STK10: variants seen among roughly 807,000 people sequenced by gnomAD.
The protein encoded by STK10 is serine/threonine kinase 10.
STK10 carries 78 observed loss-of-function variants against 113.8 expected under a neutral mutation model. The observed-to-expected ratio is 0.69, with a 90% CI of 0.57 to 0.83. The LOEUF (loss-of-function observed/expected upper bound fraction) is 0.83, where lower values mean the gene tolerates loss of function less well. STK10 is among the 40% of genes least tolerant of loss of function. STK10 has a pLI of 0.00. For missense variants in STK10, 1,109 were observed against 1,280.1 expected, an observed-to-expected ratio of 0.87 and a Z score of 2.04; for synonymous variants, 465 against 494.7, an observed-to-expected ratio of 0.94 and a Z score of 0.80.
At position 172,147,606 on chromosome 5, in the gene STK10, G is replaced by C. The variant is rs537933659; in HGVS notation, c.321+9018C>G. Among the ~76,000 whole-genome samples the C allele has an allele frequency of 7.9e-5, 12 of 152,214 alleles. No individual in the cohort carries two copies. In the East Asian group the frequency reaches 1.7e-3, roughly 22 times the overall value. On this transcript the variant is annotated intron_variant, in intron 2 of 18. Transcript: ENST00000176763. Reference sequence around the variant, plus strand: ...ATGGGGTTTCACCATATTGGCCAGGGTGGTCTCGAACTTCTGACCTCGTGA... The same window carrying C: ...ATGGGGTTTCACCATATTGGCCAGGCTGGTCTCGAACTTCTGACCTCGTGA...
At chr5:172,180,257 A>T (rs1245611294) in intron 1 of STK10, among the ~76,000 whole-genome samples, 1 of 151,998 alleles carries the variant, frequency 6.6e-6, no homozygotes, top group African/African-American at 2.4e-5. Context: ...AGAAGTCAGG[A>T]GTTCAAGACC....
At chr5:172,161,460 A>T (rs979236897) in intron 1 of STK10, among the ~76,000 whole-genome samples, 13 of 152,248 alleles carry the variant, frequency 8.5e-5, no homozygotes, top group African/African-American at 1.2e-4. Context: ...CTCAAAAAAA[A>T]AAAATAAAAA....
At chr5:172,178,181 T>C (rs1770789101) in intron 1 of STK10, among the ~76,000 whole-genome samples, 1 of 152,214 alleles carries the variant, frequency 6.6e-6, no homozygotes, top group Non-Finnish European at 1.5e-5. Flanking sequence ...GGATTTTCTG[T>C]GAAATCTCTT....
chr5:172,105,501 G>C, intron 7 of STK10, 155 bp downstream of exon 7: 1 of 737,448 alleles, frequency 1.4e-6, no homozygotes, highest in Non-Finnish European at 2.2e-6. Flanking sequence ...CACAGAGCTG[G>C]CATTCAGGAG....
chr5:172,150,518 C>G (rs6871751), intron 2 of STK10, among the ~76,000 whole-genome samples: 14,558 of 151,852 alleles, frequency 0.096, 730 homozygotes, highest in South Asian at 0.14. Context: ...GAACTCAGGT[C>G]TCCTGATTCC....
chr5:172,142,627 C>A (rs553417392), intron 2 of STK10, among the ~76,000 whole-genome samples: 1 of 152,154 alleles, frequency 6.6e-6, no homozygotes, highest in Non-Finnish European at 1.5e-5. Flanking sequence ...AATGCCTGGA[C>A]CTCATAAGAT....
chr5:172,058,977 AC>A (rs1678798578), intron 14 of STK10, among the ~76,000 whole-genome samples: 1 of 152,124 alleles, frequency 6.6e-6, no homozygotes. Context: ...TAATCCTAGC[AC>A]TTTGGGAGGC....
Position 172,096,577 on chromosome 5 carries a change from CACCCAGATTAG to C in STK10, c.871-28_871-18del, listed in dbSNP as rs1169707796. 6.2e-7 allele frequency: 1 copy of C among 1,611,730 alleles called. No homozygotes were observed. The highest frequency in any genetic ancestry group is 1.7e-5 in the Admixed American group (1 of 60,002). On this transcript the variant is annotated intron_variant, in intron 7 of 18. Transcript: ENST00000176763. ...GAAGGGATGCTGAGGGGGCAAGATG[CACCCAGATTAG>C]AACCACTCTGGGGTCACGGTGGGGT...
intron 4 of STK10, 45 bp downstream of exon 4, chr5:172,117,436 G>A (rs566449958): frequency 4.4e-6 from 7 of 1,602,912 alleles, no homozygotes; most frequent in African/African-American, 1.3e-5. Context: ...AACACCCCCA[G>A]GCAGACACCC....
At chr5:172,070,243 C>T (rs1768145645) in intron 12 of STK10, among the ~76,000 whole-genome samples, 2 of 149,910 alleles carry the variant, frequency 1.3e-5, no homozygotes, top group South Asian at 4.2e-4. Flanking sequence ...AGCAAAATTC[C>T]ACCTCAAAAA....
chr5:172,180,547 T>C (rs139771625), intron 1 of STK10, among the ~76,000 whole-genome samples: 6,176 of 151,750 alleles, frequency 0.041, 181 homozygotes, highest in Middle Eastern at 0.092. Context: ...TCCCAGCACT[T>C]TGGGAGGCCG....
rs571144315 is a variant in STK10 at position 172,151,886 on chromosome 5, C to A, written c.321+4738G>T. Among the ~76,000 whole-genome samples the A allele has an allele frequency of 4.1e-4, 63 of 152,360 alleles. No individual in the cohort carries two copies. The South Asian group carries it at 0.012, about 29-fold the overall frequency. On this transcript the variant is annotated intron_variant, in intron 2 of 18. Coordinates refer to ENST00000176763, the MANE Select transcript of STK10 (RefSeq NM_005990.4). The stretch of plus-strand genomic sequence containing the variant: ...CCGCTCTCCCTCCACCACGCGCCAG[C>A]CGCAACACCTTCTGTGGGGTCCTCT...
chr5:172,150,208 T>C (rs370115861), intron 2 of STK10, among the ~76,000 whole-genome samples: 63 of 151,472 alleles, frequency 4.2e-4, no homozygotes, highest in African/African-American at 1.5e-3. Flanking sequence ...AGGCTGGGCA[T>C]GGTGGCTCAC....
chr5:172,053,254 AT>A (rs1767671922), intron 17 of STK10: 2 of 534,492 alleles, frequency 3.7e-6, no homozygotes, highest in South Asian at 4.4e-5. Flanking sequence ...AATAGTTCTT[AT>A]TAACTCTGTG....
intron 10 of STK10, among the ~76,000 whole-genome samples, chr5:172,086,853 C>T (rs1488237494): frequency 2.0e-5 from 3 of 152,194 alleles, no homozygotes; most frequent in African/African-American, 7.2e-5. Flanking sequence ...CTGAGTAGCA[C>T]ACAGCTGCTC....
intron 3 of STK10, among the ~76,000 whole-genome samples, chr5:172,124,111 A>G (rs116596028): frequency 0.066 from 10,082 of 152,136 alleles, 395 homozygotes; most frequent in East Asian, 0.11. Context: ...TACTTTTTGT[A>G]GAGACGGGGT....
intron 1 of STK10, among the ~76,000 whole-genome samples, chr5:172,159,215 C>G (rs1386213761): frequency 6.6e-6 from 1 of 152,198 alleles, no homozygotes; most frequent in African/African-American, 2.4e-5. Context: ...AAACATCTCA[C>G]CCACCCTGCT....
chr5:172,105,500 G>A (rs1769079792), intron 7 of STK10, 156 bp downstream of exon 7: 5 of 736,020 alleles, frequency 6.8e-6, no homozygotes, highest in Non-Finnish European at 1.1e-5. Context: ...ACACAGAGCT[G>A]GCATTCAGGA....
chr5:172,091,716 T>C (rs1354860522), intron 9 of STK10, among the ~76,000 whole-genome samples: 1 of 152,246 alleles, frequency 6.6e-6, no homozygotes, highest in East Asian at 1.9e-4. Flanking sequence ...TTTTTTTAAG[T>C]AGAGACAGGG....
Sources: gnomAD v4.1 joint callset for allele counts (sites outside exome capture counted in the v4.1 genomes callset) on GRCh38, gnomAD v4.1.1 for gene constraint, MANE v1.5 for transcripts, NCBI Gene and HGNC (gene_info 2026-07-23, HGNC 2026-07-21) for gene names.